The following SYCP2L variants were observed in gnomAD, a reference collection of about 807,000 sequenced individuals.
SYCP2L encodes the protein synaptonemal complex protein 2-like.
Under a neutral mutation model 125.8 loss-of-function variants are expected in SYCP2L, and 98 were observed. The observed-to-expected ratio is 0.78, with a 90% CI of 0.66 to 0.92. The LOEUF (loss-of-function observed/expected upper bound fraction) is 0.92, where lower values mean the gene tolerates loss of function less well. Among genes scored for constraint, SYCP2L ranks in the 40% least tolerant of loss-of-function variants. The probability of loss-of-function intolerance (pLI) is 0.00; values close to 1 mark genes in which losing one functional copy is unlikely to be tolerated. For missense variants in SYCP2L, 842 were observed against 936.4 expected, an observed-to-expected ratio of 0.90 and a Z score of 1.32; for synonymous variants, 317 against 325.4, an observed-to-expected ratio of 0.97 and a Z score of 0.28.
chr6:10,938,297 G>A (rs577299200), intron 21 of SYCP2L, among the ~76,000 whole-genome samples: 1 of 152,270 alleles, frequency 6.6e-6, no homozygotes, highest in African/African-American at 2.4e-5. Context: ...TTAAGAGAAT[G>A]AAGGTTAAAT....
At position 10,912,673 on chromosome 6, in the gene SYCP2L, A is replaced by G. The variant is rs755445582; in HGVS notation, c.919A>G (p.Met307Val). The change falls in exon 13 of 30, where the codon ATG (methionine) becomes GTG (valine). Residue 307 changes from methionine to valine, a missense_variant and splice_region_variant. Transcript: ENST00000283141. This position sits in a 1 kb window ranked among gnomAD's most constrained non-coding sequence, Gnocchi z 4.1. ...GTCATGCTGAAATGATCTCTTACAG[A>G]TGAGAAAACCAGCGGATGAAAAATT... Reference protein sequence around the residue: ...CIAAFADEHEMRKPADEKLEK... With the variant: ...CIAAFADEHEVRKPADEKLEK... The G allele has an allele frequency of 2.5e-6, 4 of 1,611,122 alleles. No homozygotes were observed. The highest frequency in any genetic ancestry group is 2.5e-6 in the Non-Finnish European group (3 of 1,178,404).
Position 10,900,624 on chromosome 6 carries a change from A to G in SYCP2L, c.466+1776A>G, listed in dbSNP as rs377605789. ...CACCTCGGCCTCCCAAAGTGCTGGG[A>G]TTACAGGCATGAGCCATCGCGCCTA... On this transcript the variant is annotated intron_variant, in intron 6 of 29. Coordinates refer to ENST00000283141, the MANE Select transcript of SYCP2L (RefSeq NM_001040274.3). Among the ~76,000 whole-genome samples the G allele has an allele frequency of 4.8e-4, 73 of 152,224 alleles. No homozygotes were observed. The East Asian group carries it at 0.013, about 27-fold the overall frequency.
intron 14 of SYCP2L, among the ~76,000 whole-genome samples, chr6:10,920,462 C>A (rs1474726931): frequency 6.6e-6 from 1 of 152,252 alleles, no homozygotes; most frequent in Non-Finnish European, 1.5e-5. Context: ...AGTGATCCAA[C>A]AGCCTCGCCC....
At chr6:10,893,822 A>C (rs6936232) in intron 2 of SYCP2L, 45 bp from the exon 3 acceptor site, 106,557 of 1,588,018 alleles carry the variant, frequency 0.067, 5,285 homozygotes, top group African/African-American at 0.25. Context: ...CTATAAAATA[A>C]ATGTTCTTGG....
Position 10,909,198 on chromosome 6 carries a change from G to A in SYCP2L, c.820-950G>A, listed in dbSNP as rs577343132. On this transcript the variant is annotated intron_variant, in intron 10 of 29. Coordinates refer to ENST00000283141, the MANE Select transcript of SYCP2L (RefSeq NM_001040274.3). ...GACTGGAGTGCAGTGGCATGATCTC[G>A]GCTCACTGCAACCCCCGCCTCCTGG... Among the ~76,000 whole-genome samples, 36 of 135,814 alleles carry A rather than the reference G, an allele frequency of 2.7e-4. No homozygotes were observed. In the East Asian group the frequency reaches 5.4e-3, roughly 20 times the overall value. The allele number at this position is 135,814 out of a possible 152,430, so 89.1% of individuals were successfully genotyped here.
In SYCP2L at chr6:10,902,950, A is replaced by G. The variant is rs746888180; in HGVS notation, c.628A>G (p.Met210Val). The G allele has an allele frequency of 5.0e-6, 8 of 1,614,020 alleles. No homozygotes were observed. The African/African-American group carries it at 5.3e-5, about 11-fold the overall frequency. ...AAAAAAATTCCCTTTGTCAGAAGGC[A>G]TGTGTCATCTTATGTAAGTGACTTT... Reference protein sequence around the residue: ...ERKKFPLSEGMCHLMKDLART... With the variant: ...ERKKFPLSEGVCHLMKDLART... Residue 210 changes from methionine (M) to valine (V), a missense_variant, in exon 8 of 30, where the codon ATG (methionine) becomes GTG (valine). By Grantham distance (21) the Met-to-Val change is conservative. Transcript: ENST00000283141.
chr6:10,943,877 T>C (rs943480454), intron 23 of SYCP2L, among the ~76,000 whole-genome samples: 3 of 152,220 alleles, frequency 2.0e-5, no homozygotes, highest in African/African-American at 7.2e-5. Context: ...TGCTAATGTG[T>C]GTAATTGAGG....
At chr6:10,888,297 A>G (rs1308405293) in intron 1 of SYCP2L, among the ~76,000 whole-genome samples, 4 of 151,866 alleles carry the variant, frequency 2.6e-5, no homozygotes, top group East Asian at 1.9e-4. Flanking sequence ...GGGTTTCACC[A>G]TGTTGGCCAG....
chr6:10,902,645 A>C (rs778464003), intron 6 of SYCP2L, 32 bp from the exon 7 acceptor site: 1 of 1,588,308 alleles, frequency 6.3e-7, no homozygotes, highest in Non-Finnish European at 8.6e-7. Context: ...TCTTCCAAAC[A>C]TAAATTTGAT....
At chr6:10,918,726 G>GA (rs1463825780) in intron 14 of SYCP2L, among the ~76,000 whole-genome samples, 1 of 151,736 alleles carries the variant, frequency 6.6e-6, no homozygotes, top group Non-Finnish European at 1.5e-5. Context: ...TAGTAGAGAC[G>GA]GGTTTCACCA....
intron 23 of SYCP2L, among the ~76,000 whole-genome samples, chr6:10,947,517 G>C (rs1179394393): frequency 2.0e-5 from 3 of 151,890 alleles, no homozygotes; most frequent in Non-Finnish European, 4.4e-5. Flanking sequence ...GTAATTCCTA[G>C]GTATTTATGA....
At chr6:10,890,673 T>G (rs1780157308) in intron 1 of SYCP2L, among the ~76,000 whole-genome samples, 2 of 152,318 alleles carry the variant, frequency 1.3e-5, no homozygotes, top group South Asian at 4.1e-4. Flanking sequence ...TCCCTTTCTG[T>G]AAGAAGCTTT....
intron 23 of SYCP2L, among the ~76,000 whole-genome samples, chr6:10,944,456 T>A (rs541730564): frequency 6.6e-6 from 1 of 152,334 alleles, no homozygotes; most frequent in East Asian, 1.9e-4. Context: ...CACTGTGTGG[T>A]CTGTACTTCT....
intron 25 of SYCP2L, among the ~76,000 whole-genome samples, chr6:10,958,345 G>T (rs1203101007): frequency 6.6e-6 from 1 of 152,126 alleles, no homozygotes; most frequent in Non-Finnish European, 1.5e-5. Context: ...GGGGGAGCAG[G>T]CGTGTCACAT....
Position 10,927,708 on chromosome 6 carries a change from G to A in SYCP2L, c.1440+341G>A, listed in dbSNP as rs111818231. Among the ~76,000 whole-genome samples the A allele has an allele frequency of 7.1e-3, 1,040 of 146,204 alleles. 5 individuals carry two copies. Among genetic ancestry groups the A allele is most frequent in the African/African-American group, 0.015 (574 of 38,954 alleles). Reference sequence around the variant, plus strand: ...GGGCACCATTGTCATCAATAACATCGTATCAGGAGACAGGGTTTGAGAGCA... The same window carrying A: ...GGGCACCATTGTCATCAATAACATCATATCAGGAGACAGGGTTTGAGAGCA... On this transcript the variant is annotated intron_variant, in intron 17 of 29. Transcript: ENST00000283141.
intron 26 of SYCP2L, among the ~76,000 whole-genome samples, chr6:10,960,141 G>T (rs1287929509): frequency 6.6e-6 from 1 of 152,170 alleles, no homozygotes; most frequent in Non-Finnish European, 1.5e-5. Context: ...AGTAGAAATT[G>T]TTCCTTTGTT....
chr6:10,942,611 C>A (rs998804167), intron 22 of SYCP2L, 66 bp from the exon 23 acceptor site: 1 of 1,591,064 alleles, frequency 6.3e-7, no homozygotes, highest in East Asian at 2.2e-5. Flanking sequence ...TTCCTTCTGA[C>A]GAGTACACCA....
intron 14 of SYCP2L, among the ~76,000 whole-genome samples, chr6:10,919,864 G>T (rs1420866232): frequency 6.6e-6 from 1 of 152,084 alleles, no homozygotes; most frequent in African/African-American, 2.4e-5. Flanking sequence ...GGAAAAGTCA[G>T]CAGTCACAGG....
chr6:10,921,645 TC>T (rs1180299640), intron 14 of SYCP2L, among the ~76,000 whole-genome samples: 2 of 152,220 alleles, frequency 1.3e-5, no homozygotes, highest in Non-Finnish European at 2.9e-5. Flanking sequence ...GAGGTTTTTT[TC>T]ATACGTTTGT....
Sources: gnomAD v4.1 joint callset for allele counts (sites outside exome capture counted in the v4.1 genomes callset) on GRCh38, gnomAD v4.1.1 for gene constraint, Gnocchi (gnomAD v3.1) non-coding constraint, MANE v1.5 for transcripts, NCBI Gene and HGNC (gene_info 2026-07-23, HGNC 2026-07-21) for gene names.